Variants in ANK2 observed in about 807,000 individuals in gnomAD.
ANK2 encodes the protein ankyrin 2.
In ANK2, 83 loss-of-function variants were observed where a neutral mutation model predicts 360.5. The observed-to-expected ratio is 0.23, with a 90% CI of 0.19 to 0.28. The LOEUF is 0.28. Among genes scored for constraint, ANK2 ranks in the 10% least tolerant of loss-of-function variants. The probability of loss-of-function intolerance (pLI) is 1.00; values close to 1 mark genes in which losing one functional copy is unlikely to be tolerated. For synonymous variants in ANK2, 1,740 were observed against 1,759.5 expected, an observed-to-expected ratio of 0.99 and a Z score of 0.28; for missense variants, 4,201 against 4,795.7, an observed-to-expected ratio of 0.88 and a Z score of 3.66.
chr4:113,020,029 G>T (rs545648152), intron 2 of ANK2, among the ~76,000 whole-genome samples: 32 of 152,188 alleles, frequency 2.1e-4, no homozygotes, highest in African/African-American at 7.5e-4. Context: ...AGGCTTTTCA[G>T]GATTGACAGC....
At chr4:112,986,819 A>G (rs961559783) in intron 2 of ANK2, among the ~76,000 whole-genome samples, 2 of 152,226 alleles carry the variant, frequency 1.3e-5, no homozygotes, top group African/African-American at 2.4e-5. Context: ...GAGCGCTTGC[A>G]GATGGCAACA....
intron 2 of ANK2, among the ~76,000 whole-genome samples, chr4:112,974,965 G>A (rs568884489): frequency 3.3e-5 from 5 of 152,202 alleles, no homozygotes; most frequent in Non-Finnish European, 4.4e-5. Context: ...CTAAATTGAC[G>A]CTTTCATTTT....
At chr4:113,212,577 A>C (rs1489074065) in intron 4 of ANK2, among the ~76,000 whole-genome samples, 2 of 152,210 alleles carry the variant, frequency 1.3e-5, no homozygotes, top group East Asian at 3.8e-4. Flanking sequence ...TTCTGAAGCT[A>C]GGTGGTCAAA....
chr4:113,269,874 C>T (rs2057849809), intron 14 of ANK2, among the ~76,000 whole-genome samples: 1 of 152,242 alleles, frequency 6.6e-6, no homozygotes. Context: ...CACAGATCTT[C>T]ATGCAGAATC....
Position 113,305,761 on chromosome 4 carries a change from A to G in ANK2, c.2548+2922A>G, listed in dbSNP as rs950351603. On this transcript the variant is annotated intron_variant, in intron 23 of 45. Transcript: ENST00000357077. Reference sequence around the variant, plus strand: ...ACGTGGACACAATGCAGCCACATGTATTTGAAAATTATTAGCTAATCCCTG... The same window carrying G: ...ACGTGGACACAATGCAGCCACATGTGTTTGAAAATTATTAGCTAATCCCTG... 2.0e-5 allele frequency among the ~76,000 whole-genome samples: 3 copies of G among 152,324 alleles called. No individual in the cohort carries two copies. In the South Asian group the frequency reaches 6.2e-4, roughly 32 times the overall value.
At position 113,278,485 on chromosome 4, in the gene ANK2, C is replaced by CT; in HGVS notation, c.1809dup (p.Ala604CysfsTer4). ...AACGGCCTTACCCCGCTCCATGTTG[C>CT]TGCTCATTATGACAACCAGAAGGTG... On this transcript the variant is annotated frameshift_variant, in exon 17 of 46. Coordinates refer to ENST00000357077, the MANE Select transcript of ANK2 (RefSeq NM_001148.6). LOFTEE classifies it high-confidence loss of function. 6.2e-7 allele frequency: 1 copy of CT among 1,613,950 alleles called. No individual in the cohort carries two copies. The highest frequency in any genetic ancestry group is 8.5e-7 in the Non-Finnish European group (1 of 1,179,942).
At chr4:113,145,969 G>A (rs1000149982) in intron 1 of ANK2, 1 of 1,289,800 alleles carries the variant, frequency 7.8e-7, no homozygotes, top group Admixed American at 2.3e-5. Context: ...TACTATGGCT[G>A]TAACAGTGAG....
At chr4:113,256,036 T>C in intron 11 of ANK2, 104 bp downstream of exon 11, 1 of 1,339,702 alleles carries the variant, frequency 7.5e-7, no homozygotes, top group Non-Finnish European at 1.1e-6. Context: ...TACAGATATG[T>C]AGTTAATCCT....
At chr4:113,209,233 A>C (rs746197783) in intron 4 of ANK2, among the ~76,000 whole-genome samples, 5 of 151,960 alleles carry the variant, frequency 3.3e-5, no homozygotes, top group Admixed American at 6.5e-5. Flanking sequence ...AGGTCTTGCT[A>C]TATAGATGAA....
chr4:112,940,601 T>G (rs2094134192), intron 2 of ANK2, among the ~76,000 whole-genome samples: 1 of 152,028 alleles, frequency 6.6e-6, no homozygotes, highest in African/African-American at 2.4e-5. Flanking sequence ...GTGTAGAAAA[T>G]TAGAGTAGCC....
intron 1 of ANK2, among the ~76,000 whole-genome samples, chr4:113,080,276 T>C (rs1392784412): frequency 6.6e-6 from 1 of 152,188 alleles, no homozygotes; most frequent in Non-Finnish European, 1.5e-5. Context: ...GATGTAACTT[T>C]AGAGAATGAT....
At chr4:112,744,575 C>T in the ANK2 span, among the ~76,000 whole-genome samples, 1 of 152,008 alleles carries the variant, frequency 6.6e-6, no homozygotes, top group Non-Finnish European at 1.5e-5. Flanking sequence ...GTCTCAAACT[C>T]CTAACCTCAG....
rs10001401 is a variant in ANK2 at position 113,227,588 on chromosome 4, T to C, written c.385-4573T>C. ...AGGGATGAGGTGGTAGAGTGGTACC[T>C]AGGCACTCTTAAAAGCTATTACAGG... On this transcript the variant is annotated intron_variant, in intron 4 of 45. Transcript: ENST00000357077. Among the ~76,000 whole-genome samples, 1,370 of 152,274 alleles carry C rather than the reference T, an allele frequency of 9.0e-3. 26 individuals are homozygous for C. The highest frequency in any genetic ancestry group is 0.031 in the African/African-American group (1,297 of 41,524).
Position 113,318,620 on chromosome 4 carries a change from G to C in ANK2, c.2900G>C (p.Gly967Ala), listed in dbSNP as rs1281697227. The change falls in exon 26 of 46, where the codon GGT (glycine) becomes GCT (alanine). Residue 967 changes from glycine (G) to alanine (A), a missense_variant and splice_region_variant. Around this residue, in one of 4 missense-constraint regions of ANK2, gnomAD observed 1,268 missense variants for 1,650.8 expected, o/e 0.77. Transcript: ENST00000357077. ...CTTTCTTCTAGTCCTATTCATTCAG[G>C]GTGAGTAAATCAATATTATGTATCC... The part of the protein sequence containing the change: ...VALSSSPIHS[G>A]FLVSFMVDAR... 6.2e-7 allele frequency: 1 copy of C among 1,605,500 alleles called. No homozygotes were observed. Among genetic ancestry groups the C allele is most frequent in the South Asian group, 1.1e-5 (1 of 90,238 alleles).
chr4:113,259,803 T>A (rs1439343808), intron 13 of ANK2, among the ~76,000 whole-genome samples: 1 of 148,088 alleles, frequency 6.8e-6, no homozygotes, highest in East Asian at 2.0e-4. Context: ...GATGACTACC[T>A]TTTTTTTTCT....
chr4:112,904,945 A>G (rs1466230059), intron 2 of ANK2, among the ~76,000 whole-genome samples: 2 of 152,182 alleles, frequency 1.3e-5, no homozygotes, highest in African/African-American at 4.8e-5. Context: ...GGTTGTCAAT[A>G]AAGTTATTTG....
the ANK2 span, among the ~76,000 whole-genome samples, chr4:112,770,213 T>C: frequency 2.0e-5 from 3 of 152,184 alleles, no homozygotes; most frequent in African/African-American, 7.2e-5. Context: ...GTATGAGCCC[T>C]GCAGATCCTC....
At chr4:112,773,499 C>T in the ANK2 span, among the ~76,000 whole-genome samples, 1 of 152,126 alleles carries the variant, frequency 6.6e-6, no homozygotes, top group Non-Finnish European at 1.5e-5. Flanking sequence ...TCCCACCTAC[C>T]CTTAGACTCT....
At chr4:112,857,134 A>G (rs770895662) in intron 1 of ANK2, among the ~76,000 whole-genome samples, 1 of 152,194 alleles carries the variant, frequency 6.6e-6, no homozygotes, top group Non-Finnish European at 1.5e-5. Context: ...GTCAAAGATG[A>G]GGCTTAGTTG....
Sources: gnomAD v4.1 joint callset for allele counts (sites outside exome capture counted in the v4.1 genomes callset) on GRCh38, gnomAD v4.1.1 for gene constraint, gnomAD v4.1.1 regional missense constraint, MANE v1.5 for transcripts, NCBI Gene and HGNC (gene_info 2026-07-23, HGNC 2026-07-21) for gene names.